Variants in TXNRD1 observed in about 807,000 individuals in gnomAD.
TXNRD1 encodes thioredoxin reductase 1.
A neutral mutation model predicts 80.3 loss-of-function variants in TXNRD1; 57 were observed. That is an observed-to-expected ratio of 0.71 (90% CI 0.57 to 0.89). The LOEUF is 0.89. Among genes scored for constraint, TXNRD1 ranks in the 40% least tolerant of loss-of-function variants. The probability of loss-of-function intolerance (pLI) is 0.00; values close to 1 mark genes in which losing one functional copy is unlikely to be tolerated. For missense variants in TXNRD1, 730 were observed against 803.0 expected (o/e 0.91, Z 1.10); for synonymous variants, 291 against 285.2 (o/e 1.02, Z -0.20).
chr12:104,229,274 A>G (rs2032555678), intron 1 of TXNRD1, among the ~76,000 whole-genome samples: 1 of 149,642 alleles, frequency 6.7e-6, no homozygotes, highest in Non-Finnish European at 1.5e-5. Context: ...CAGCCTCCTC[A>G]GTAGCTGGGA....
chr12:104,341,297 C>T (rs958844416), intron 16 of TXNRD1, among the ~76,000 whole-genome samples: 2 of 152,146 alleles, frequency 1.3e-5, no homozygotes, highest in Non-Finnish European at 2.9e-5. Flanking sequence ...TTGTTTTCCC[C>T]AAGCTGTTGG....
intron 16 of TXNRD1, among the ~76,000 whole-genome samples, chr12:104,347,469 A>G (rs914953481): frequency 3.3e-5 from 5 of 152,216 alleles, no homozygotes; most frequent in African/African-American, 1.2e-4. Context: ...AAATGTTTGC[A>G]AGGATATGAA....
At chr12:104,313,411 A>G in intron 6 of TXNRD1, 94 bp downstream of exon 6, 2 of 962,370 alleles carry the variant, frequency 2.1e-6, no homozygotes, top group Non-Finnish European at 3.0e-6. Context: ...TAAAAAAATC[A>G]AAAACTAAGT....
At chr12:104,286,967 T>G in intron 3 of TXNRD1, 3 of 1,232,306 alleles carry the variant, frequency 2.4e-6, no homozygotes, top group Non-Finnish European at 3.1e-6. Flanking sequence ...GCCCGCCCGC[T>G]CGGCGCAGGG....
At chr12:104,263,890 A>G (rs2033421046) in intron 3 of TXNRD1, among the ~76,000 whole-genome samples, 1 of 152,188 alleles carries the variant, frequency 6.6e-6, no homozygotes, top group African/African-American at 2.4e-5. Flanking sequence ...TAATCCTCAC[A>G]ACAGCTTTGT....
intron 1 of TXNRD1, among the ~76,000 whole-genome samples, chr12:104,233,999 G>A (rs2032681329): frequency 6.6e-6 from 1 of 152,110 alleles, no homozygotes; most frequent in South Asian, 2.1e-4. Flanking sequence ...TGTCAGTTCT[G>A]TATGAGTCCC....
At chr12:104,288,761 G>A in intron 3 of TXNRD1, 170 bp from the exon 4 acceptor site, 1 of 1,508,800 alleles carries the variant, frequency 6.6e-7, no homozygotes, top group East Asian at 2.5e-5. Context: ...TTGATTGTGA[G>A]TTCTAGCCTT....
At chr12:104,316,476 G>A (rs186290780) in intron 7 of TXNRD1, among the ~76,000 whole-genome samples, 11 of 152,248 alleles carry the variant, frequency 7.2e-5, no homozygotes, top group Non-Finnish European at 1.2e-4. Flanking sequence ...TGCAAGCTCC[G>A]CCTCCCGGGT....
At chr12:104,275,947 G>A (rs970068115) in intron 3 of TXNRD1, among the ~76,000 whole-genome samples, 2 of 152,046 alleles carry the variant, frequency 1.3e-5, no homozygotes, top group Non-Finnish European at 2.9e-5. Context: ...TTTTATAGAT[G>A]AGTAAACAAA....
intron 3 of TXNRD1, chr12:104,265,221 C>T: frequency 8.1e-7 from 1 of 1,233,186 alleles, no homozygotes; most frequent in Non-Finnish European, 1.1e-6. Flanking sequence ...CACTGCACTC[C>T]AGCCTGGTGA....
intron 1 of TXNRD1, among the ~76,000 whole-genome samples, chr12:104,231,149 A>T (rs572718528): frequency 6.6e-6 from 1 of 152,142 alleles, no homozygotes; most frequent in Admixed American, 6.6e-5. Flanking sequence ...CTTCCCAAGG[A>T]CCCCTTTTCC....
At chr12:104,315,969 C>T in intron 7 of TXNRD1, 73 bp downstream of exon 7, 1 of 1,504,892 alleles carries the variant, frequency 6.6e-7, no homozygotes. Context: ...GATGCGTCGT[C>T]CATTTTCATG....
chr12:104,285,359 A>C (rs1248452226), intron 3 of TXNRD1, among the ~76,000 whole-genome samples: 1 of 152,220 alleles, frequency 6.6e-6, no homozygotes, highest in East Asian at 1.9e-4. Flanking sequence ...AAAGAAAAGA[A>C]GATGGTTTTA....
At chr12:104,216,331 A>G (rs1173424571) in intron 1 of TXNRD1, among the ~76,000 whole-genome samples, 1 of 152,202 alleles carries the variant, frequency 6.6e-6, no homozygotes, top group Non-Finnish European at 1.5e-5. Flanking sequence ...TCACCTCTCC[A>G]GAAGCCCCCG....
rs147019713 is a variant in TXNRD1, at chr12:104,265,032, T to A, written c.304+6953T>A. Among the ~76,000 whole-genome samples the A allele has an allele frequency of 4.8e-3, 737 of 152,168 alleles. 8 individuals carry two copies. Among genetic ancestry groups the A allele is most frequent in the African/African-American group, 0.017 (690 of 41,512 alleles). On this transcript the variant is annotated intron_variant, in intron 3 of 16. Coordinates refer to ENST00000525566, the MANE Select transcript of TXNRD1 (RefSeq NM_001093771.3). ...GTTTTGGGAGGCTGAGGCAGGCAGA[T>A]CATGAGGTCAAGAGATCAATACTAG... is the stretch of plus-strand genomic sequence containing the variant.
chr12:104,229,144 CTTTT>C (rs56077479), intron 1 of TXNRD1, among the ~76,000 whole-genome samples: 5 of 106,076 alleles, frequency 4.7e-5, no homozygotes, highest in African/African-American at 4.1e-5. Flanking sequence ...CATTACTTTT[CTTTT>C]TTTTTTTTTT....
intron 4 of TXNRD1, chr12:104,305,163 T>C (rs1317723604): frequency 4.5e-6 from 2 of 439,698 alleles, no homozygotes; most frequent in Non-Finnish European, 4.0e-6. Context: ...TTTTATTGAA[T>C]GCCCTTTAAG....
chr12:104,341,847 A>G (rs2036335276), intron 16 of TXNRD1, among the ~76,000 whole-genome samples: 3 of 152,260 alleles, frequency 2.0e-5, no homozygotes, highest in East Asian at 1.9e-4. Flanking sequence ...CTTCTGACCT[A>G]CCAGCTATAA....
Position 104,265,262 on chromosome 12 carries a change from A to AC in TXNRD1, c.304+7183_304+7184insC, listed in dbSNP as rs2033451972. The stretch of plus-strand genomic sequence containing the variant: ...TGAGACTCCGTCTTAAAAAAAAAAA[A>AC]AAAAAAACTTCCTTTTGCGGGTGGC... On this transcript the variant is annotated intron_variant, in intron 3 of 16. Transcript: ENST00000525566. 6.0e-6 allele frequency: 9 copies of AC among 1,492,992 alleles called. No homozygotes were observed. The South Asian group carries it at 8.7e-5, about 14-fold the overall frequency. 92.5% of individuals were successfully genotyped at this position (1,492,992 alleles called of 1,614,324 possible). A position where few individuals can be genotyped will look rare whatever the true frequency, so the allele number is the denominator to read the frequency against.
Sources: allele counts gnomAD v4.1 joint callset (sites outside exome capture counted in the v4.1 genomes callset), GRCh38; gene constraint gnomAD v4.1.1; transcripts MANE v1.5; gene names NCBI Gene and HGNC (gene_info 2026-07-23, HGNC 2026-07-21).